Variants in CALN1 observed in about 807,000 individuals in gnomAD.
The protein encoded by CALN1 is calneuron 1.
In CALN1, 17 loss-of-function variants were observed where a neutral mutation model predicts 30.6. The ratio of observed to expected loss-of-function variants is 0.56; its 90% CI spans 0.38 to 0.83. The LOEUF (loss-of-function observed/expected upper bound fraction) is 0.83. CALN1 is among the 40% of genes least tolerant of loss of function. The pLI, the probability that CALN1 is intolerant of heterozygous loss-of-function variation, is 0.00. For synonymous variants in CALN1, 156 were observed against 131.4 expected (o/e 1.19, Z -1.28); for missense variants, 291 against 354.9 (o/e 0.82, Z 1.45).
At chr7:72,196,719 C>G (rs904872573) in intron 3 of CALN1, among the ~76,000 whole-genome samples, 1 of 152,208 alleles carries the variant, frequency 6.6e-6, no homozygotes, top group African/African-American at 2.4e-5. Flanking sequence ...TACGTGTTCA[C>G]ATATATTAAG....
At chr7:72,357,649 GTAGTTGAAAAAACTCCCCAT>G (rs1161303169) in intron 2 of CALN1, among the ~76,000 whole-genome samples, 1 of 151,392 alleles carries the variant, frequency 6.6e-6, no homozygotes, top group African/African-American at 2.4e-5. Flanking sequence ...CCAGACAACA[GTAGTTGAAAAAACTCCCCAT>G]TATGAGATAA....
chr7:72,131,227 G>A (rs1250060719), intron 3 of CALN1, among the ~76,000 whole-genome samples: 2 of 152,150 alleles, frequency 1.3e-5, no homozygotes, highest in South Asian at 2.1e-4. Context: ...GAGGTGGGAA[G>A]GGGTCATGGG....
intron 1 of CALN1, among the ~76,000 whole-genome samples, chr7:72,420,376 CAG>C (rs913140806): frequency 1.2e-4 from 18 of 152,158 alleles, no homozygotes; most frequent in African/African-American, 2.6e-4. Flanking sequence ...CAACCCCAAA[CAG>C]GGGCAGATTT....
At chr7:72,058,310 CTT>C (rs3065011) in intron 4 of CALN1, among the ~76,000 whole-genome samples, 12,161 of 69,448 alleles carry the variant, frequency 0.18, 315 homozygotes, top group East Asian at 0.41. Flanking sequence ...AAGCTGGAAT[CTT>C]TTTTTTTTTT....
intron 6 of CALN1, among the ~76,000 whole-genome samples, chr7:71,788,366 G>A (rs968192874): frequency 1.3e-5 from 2 of 151,818 alleles, no homozygotes; most frequent in African/African-American, 4.8e-5. Context: ...TTTCCTGGAC[G>A]TTTTCTTGGG....
chr7:72,291,070 T>C (rs1337805783), intron 2 of CALN1, among the ~76,000 whole-genome samples: 1 of 151,992 alleles, frequency 6.6e-6, no homozygotes, highest in Admixed American at 6.6e-5. Flanking sequence ...ATTACAGTTA[T>C]GCACCACCAT....
At chr7:72,253,807 C>T (rs574748063) in intron 3 of CALN1, among the ~76,000 whole-genome samples, 121 of 152,304 alleles carry the variant, frequency 7.9e-4, no homozygotes, top group African/African-American at 2.9e-3. Context: ...GTAGCGTGAT[C>T]CCAGCTCACT....
intron 2 of CALN1, among the ~76,000 whole-genome samples, chr7:72,371,838 T>C (rs1804262119): frequency 6.6e-6 from 1 of 152,210 alleles, no homozygotes; most frequent in East Asian, 1.9e-4. Flanking sequence ...TAAGATAAAG[T>C]AAGCATGTTC....
At chr7:72,228,019 T>C (rs954815445) in intron 3 of CALN1, among the ~76,000 whole-genome samples, 2 of 151,954 alleles carry the variant, frequency 1.3e-5, no homozygotes, top group Non-Finnish European at 2.9e-5. Context: ...GGATTTCAGG[T>C]TCACGGCAAA....
chr7:72,152,846 G>A (rs1787361663), intron 3 of CALN1, among the ~76,000 whole-genome samples: 1 of 152,184 alleles, frequency 6.6e-6, no homozygotes, highest in Non-Finnish European at 1.5e-5. Context: ...AGCTGGGAAA[G>A]GTTATCTGAG....
chr7:72,313,170 C>T (rs1356297829), intron 2 of CALN1, among the ~76,000 whole-genome samples: 1 of 151,896 alleles, frequency 6.6e-6, no homozygotes, highest in African/African-American at 2.4e-5. Flanking sequence ...CAGGGTGGCA[C>T]TGGAAAAAGA....
chr7:72,225,924 C>T (rs1383853445), intron 3 of CALN1, among the ~76,000 whole-genome samples: 1 of 151,814 alleles, frequency 6.6e-6, no homozygotes, highest in Non-Finnish European at 1.5e-5. Flanking sequence ...GGTGAAACTC[C>T]GTCTCTACTA....
chr7:71,812,660 G>C (rs1788023258), intron 5 of CALN1, among the ~76,000 whole-genome samples: 1 of 152,124 alleles, frequency 6.6e-6, no homozygotes, highest in Non-Finnish European at 1.5e-5. Context: ...TTGCAGCATT[G>C]AAAGAAGCAA....
At chr7:72,462,162 G>A in the CALN1 span, among the ~76,000 whole-genome samples, 1 of 151,674 alleles carries the variant, frequency 6.6e-6, no homozygotes, top group South Asian at 2.2e-4. Flanking sequence ...ATTTATGTAT[G>A]TATGTATGTA....
chr7:72,302,373 G>C (rs1046276213), intron 2 of CALN1, among the ~76,000 whole-genome samples: 1 of 152,192 alleles, frequency 6.6e-6, no homozygotes, highest in African/African-American at 2.4e-5. Context: ...CGATCATGCT[G>C]ACATTAAACT....
chr7:71,989,266 C>T (rs1180263135), intron 5 of CALN1, among the ~76,000 whole-genome samples: 4 of 151,946 alleles, frequency 2.6e-5, no homozygotes, highest in African/African-American at 4.8e-5. Context: ...GGTGAAACCC[C>T]GTCTCTACTA....
intron 5 of CALN1, among the ~76,000 whole-genome samples, chr7:71,991,055 G>T (rs527522721): frequency 6.6e-6 from 1 of 150,576 alleles, no homozygotes; most frequent in African/African-American, 2.5e-5. Flanking sequence ...GTGAGGGGGG[G>T]GGTCGACAAA....
chr7:72,100,544 C>T (rs1370524106), intron 4 of CALN1, among the ~76,000 whole-genome samples: 4 of 152,132 alleles, frequency 2.6e-5, no homozygotes, highest in South Asian at 2.1e-4. Context: ...CTGAGCCGGG[C>T]GCAGTGGCTC....
At chr7:72,105,503 TC>T (rs1258461892) in intron 4 of CALN1, among the ~76,000 whole-genome samples, 2 of 151,790 alleles carry the variant, frequency 1.3e-5, no homozygotes, top group East Asian at 3.9e-4. Context: ...CCTTTTTGCT[TC>T]TAGTCTGGAG....
Sources: allele counts gnomAD v4.1 joint callset (sites outside exome capture counted in the v4.1 genomes callset), GRCh38; gene constraint gnomAD v4.1.1; transcripts MANE v1.5; gene names NCBI Gene and HGNC (gene_info 2026-07-23, HGNC 2026-07-21).